Variants in SKP1 observed in about 807,000 individuals in gnomAD.
SKP1 encodes S-phase kinase associated protein 1.
SKP1 carries 1 observed loss-of-function variant against 21.5 expected under a neutral mutation model. That is an observed-to-expected ratio of 0.05 (90% CI 0.02 to 0.22). The LOEUF (loss-of-function observed/expected upper bound fraction) is 0.22. Among genes scored for constraint, SKP1 ranks in the 10% least tolerant of loss-of-function variants. The pLI, the probability that SKP1 is intolerant of heterozygous loss-of-function variation, is 1.00. For missense variants in SKP1, 70 were observed against 192.0 expected, an observed-to-expected ratio of 0.36 and a Z score of 3.76; for synonymous variants, 59 against 59.3, an observed-to-expected ratio of 0.99 and a Z score of 0.03.
In SKP1 at chr5:134,173,946, G is replaced by T; in HGVS notation, c.77C>A (p.Thr26Asn). Residue 26 changes from threonine to asparagine, a missense_variant, in exon 2 of 6, where the codon ACT becomes AAT. Transcript: ENST00000353411. ...VDVEIAKQSV[T>N]IKTMLEDLGM... is the part of the protein sequence containing the mutation. ...CTTACCTTCCAACATGGTCTTAATA[G>T]TCACAGATTGTTTGGCAATTTCCAC... is the stretch of plus-strand genomic sequence containing the variant. 6.2e-7 allele frequency: 1 copy of T among 1,603,640 alleles called. No homozygotes were observed. Among genetic ancestry groups the T allele is most frequent in the Non-Finnish European group, 8.5e-7 (1 of 1,170,816 alleles).
At chr5:134,163,565 A>C (rs1761263026) in intron 3 of SKP1, among the ~76,000 whole-genome samples, 1 of 151,522 alleles carries the variant, frequency 6.6e-6, no homozygotes, top group Non-Finnish European at 1.5e-5. Flanking sequence ...CAAAGGAGAC[A>C]GATCGCTTGA....
intron 5 of SKP1, 44 bp downstream of exon 5, chr5:134,158,410 CT>C: frequency 6.2e-7 from 1 of 1,613,682 alleles, no homozygotes; most frequent in Non-Finnish European, 8.5e-7. Flanking sequence ...GTGTTACTCC[CT>C]TTTTAAGAGC....
chr5:134,161,383 A>G, intron 3 of SKP1: 1 of 326,082 alleles, frequency 3.1e-6, no homozygotes, highest in Non-Finnish European at 5.5e-6. Context: ...CTTCTATGCA[A>G]AAAGAAAAGT....
At chr5:134,172,257 C>CG (rs931509288) in intron 2 of SKP1, among the ~76,000 whole-genome samples, 1 of 152,228 alleles carries the variant, frequency 6.6e-6, no homozygotes, top group Non-Finnish European at 1.5e-5. Flanking sequence ...GGCCATGTCT[C>CG]ACTTACCTTC....
Position 134,157,710 on chromosome 5 carries a change from GT to G in SKP1, c.*22del. 1.3e-6 allele frequency: 2 copies of G among 1,585,582 alleles called. No homozygotes were observed. The highest frequency in any genetic ancestry group is 1.7e-6 in the Non-Finnish European group (2 of 1,154,444). ...TAGTATTTGGAACAATCCTTACAGT[GT>G]TACAGTGTCAGGCACAACATTTCAC... is the stretch of plus-strand genomic sequence containing the variant. On this transcript the variant is annotated 3_prime_UTR_variant, in exon 6 of 6. Transcript: ENST00000353411.
At position 134,152,479 on chromosome 5, in the gene SKP1, A is replaced by C. The variant is rs1761057579; in HGVS notation, c.*5254T>G. The C allele has an allele frequency of 2.0e-5, 3 of 152,342 alleles. No homozygotes were observed. The South Asian group carries it at 6.2e-4, about 32-fold the overall frequency. The allele number at this position is 152,342 out of a possible 1,614,324, so 9.4% of individuals were successfully genotyped here. A position where few individuals can be genotyped will look rare whatever the true frequency, so the allele number is the denominator to read the frequency against. On this transcript the variant is annotated 3_prime_UTR_variant, in exon 6 of 6. Coordinates refer to ENST00000353411, the MANE Select transcript of SKP1 (RefSeq NM_170679.3). The stretch of plus-strand genomic sequence containing the variant: ...AAACCAAATTAGTTTCACTTTACAA[A>C]ACCTTTCGTAGCACCTTTCAGCTCT...
At chr5:134,165,763 G>A (rs1443793581) in intron 3 of SKP1, among the ~76,000 whole-genome samples, 2 of 151,896 alleles carry the variant, frequency 1.3e-5, no homozygotes, top group African/African-American at 4.8e-5. Flanking sequence ...GCGAGTGCCT[G>A]TAATCCCAGC....
chr5:134,172,141 C>T (rs985435929), intron 2 of SKP1, among the ~76,000 whole-genome samples: 1 of 152,098 alleles, frequency 6.6e-6, no homozygotes, highest in Non-Finnish European at 1.5e-5. Flanking sequence ...GTTCCCACAG[C>T]GCCACTTGGC....
intron 2 of SKP1, among the ~76,000 whole-genome samples, chr5:134,169,211 A>C (rs1486002008): frequency 6.6e-6 from 1 of 152,232 alleles, no homozygotes; most frequent in Non-Finnish European, 1.5e-5. Context: ...ACTGAGCTTT[A>C]TAAGCAGTTC....
intron 2 of SKP1, among the ~76,000 whole-genome samples, chr5:134,171,212 A>G (rs1288454429): frequency 3.3e-5 from 5 of 152,212 alleles, no homozygotes; most frequent in African/African-American, 9.7e-5. Flanking sequence ...ATCCTCTGCA[A>G]TTCAGCTTCT....
chr5:134,158,618 C>T, intron 4 of SKP1, 23 bp from the exon 5 acceptor site: 1 of 1,606,010 alleles, frequency 6.2e-7, no homozygotes, highest in South Asian at 1.1e-5. Context: ...AGTTGTTTTC[C>T]TTAAAGTATA....
chr5:134,176,816 T>G (rs1761558858), intron 1 of SKP1, 39 bp downstream of exon 1: 1 of 152,438 alleles, frequency 6.6e-6, no homozygotes, highest in South Asian at 2.1e-4. Context: ...CGCAATCCGG[T>G]AGCCACGACC....
In SKP1 at chr5:134,176,917, G is replaced by C. The variant is rs1050756290; in HGVS notation, c.-63C>G. ...ACGAGAGCCGGGAGGCGTTAGCGAA[G>C]GAAGAGAAAAACCGAAGACGAAGCC... On this transcript the variant is annotated 5_prime_UTR_variant, in exon 1 of 6. Transcript: ENST00000353411. The C allele has an allele frequency of 6.5e-6, 1 of 152,828 alleles. No individual in the cohort carries two copies. Among genetic ancestry groups the C allele is most frequent in the Non-Finnish European group, 1.5e-5 (1 of 68,204 alleles). The allele number at this position is 152,828 out of a possible 1,614,324, so 9.5% of individuals were successfully genotyped here. A position where few individuals can be genotyped will look rare whatever the true frequency, so the allele number is the denominator to read the frequency against.
chr5:134,160,541 T>A (rs1761201080), intron 4 of SKP1, among the ~76,000 whole-genome samples: 1 of 152,194 alleles, frequency 6.6e-6, no homozygotes, highest in Non-Finnish European at 1.5e-5. Context: ...TCTTGGAAGT[T>A]CTGCTTCTAG....
rs1761056641 is a variant in SKP1, at chr5:134,152,364, C to T, written c.*5369G>A. The T allele has an allele frequency of 6.6e-6, 1 of 152,112 alleles. No individual in the cohort carries two copies. The highest frequency in any genetic ancestry group is 2.1e-4 in the South Asian group (1 of 4,826). 9.4% of individuals were successfully genotyped at this position (152,112 alleles called of 1,614,324 possible). On this transcript the variant is annotated 3_prime_UTR_variant, in exon 6 of 6. Transcript: ENST00000353411. Reference sequence around the variant, plus strand: ...TATTCTCAGGGAAATGTACCAACACCCAACCTTCTGCTGTTAGTTCCTGAC... The same window carrying T: ...TATTCTCAGGGAAATGTACCAACACTCAACCTTCTGCTGTTAGTTCCTGAC...
chr5:134,161,092 A>T lies in SKP1; in HGVS notation c.210T>A (p.Pro70=), dbSNP rs754804066. The part of the protein sequence containing the change: ...QWCTHHKDDP[P]PPEDDENKEK... ...CTTTGTTCTCATCATCTTCAGGAGG[A>T]GGAGGGTCATCCTTGTGGTGGGTGC... Residue 70 remains proline, a synonymous_variant, in exon 4 of 6, where the codon CCT becomes CCA. Coordinates refer to ENST00000353411, the MANE Select transcript of SKP1 (RefSeq NM_170679.3). 2 of 1,613,816 alleles carry T rather than the reference A, an allele frequency of 1.2e-6. No individual in the cohort carries two copies. Among genetic ancestry groups the T allele is most frequent in the South Asian group, 2.2e-5 (2 of 91,068 alleles).
intron 2 of SKP1, among the ~76,000 whole-genome samples, chr5:134,167,697 G>T (rs955861387): frequency 1.3e-5 from 2 of 152,062 alleles, no homozygotes; most frequent in Non-Finnish European, 2.9e-5. Context: ...CTAATTTTTT[G>T]TATTTTTTAG....
rs992510438 is a variant in SKP1 at position 134,150,027 on chromosome 5, A to G, written c.*7706T>C. On this transcript the variant is annotated 3_prime_UTR_variant, in exon 6 of 6. Transcript: ENST00000353411. ...CAACCCTGTTTCCTGAGACATCATA[A>G]GACAAGATACCTTAGCCTCCCTTGA... The G allele has an allele frequency of 3.3e-5, 5 of 152,186 alleles. No individual in the cohort carries two copies. Among genetic ancestry groups the G allele is most frequent in the Non-Finnish European group, 7.3e-5 (5 of 68,054 alleles). The allele number at this position is 152,186 out of a possible 1,614,324, so 9.4% of individuals were successfully genotyped here.
intron 2 of SKP1, among the ~76,000 whole-genome samples, chr5:134,169,011 A>G (rs1305176753): frequency 2.0e-5 from 3 of 152,084 alleles, no homozygotes; most frequent in African/African-American, 7.2e-5. Context: ...GTAGAGATAT[A>G]GCGAAGAGGT....
Sources: gnomAD v4.1 joint callset for allele counts (sites outside exome capture counted in the v4.1 genomes callset) on GRCh38, gnomAD v4.1.1 for gene constraint, MANE v1.5 for transcripts, NCBI Gene and HGNC (gene_info 2026-07-23, HGNC 2026-07-21) for gene names.